Variants in TENM4 observed in about 807,000 individuals in gnomAD.
The protein encoded by TENM4 is teneurin transmembrane protein 4, also known as teneurin-4.
In TENM4, 82 loss-of-function variants were observed where a neutral mutation model predicts 243.3. The ratio of observed to expected loss-of-function variants is 0.34; its 90% CI spans 0.28 to 0.40. The LOEUF (loss-of-function observed/expected upper bound fraction) is 0.40. Ranked by LOEUF, TENM4 falls within the 10% of genes least tolerant of loss-of-function variation. TENM4 has a pLI of 1.00. For synonymous variants in TENM4, 1,412 were observed against 1,456.3 expected, an observed-to-expected ratio of 0.97 and a Z score of 0.69; for missense variants, 3,138 against 3,673.3, an observed-to-expected ratio of 0.85 and a Z score of 3.77.
chr11:79,292,457 C>A (rs188279247), intron 2 of TENM4, among the ~76,000 whole-genome samples: 2 of 152,332 alleles, frequency 1.3e-5, no homozygotes, highest in East Asian at 1.9e-4. Flanking sequence ...CCTTTTCTTG[C>A]TAATTCTATC....
At chr11:79,185,795 T>C (rs1863370978) in intron 3 of TENM4, among the ~76,000 whole-genome samples, 1 of 152,218 alleles carries the variant, frequency 6.6e-6, no homozygotes, top group East Asian at 1.9e-4. Flanking sequence ...TCATTTACCC[T>C]GCAGAGAGTC....
chr11:78,722,766 G>C lies in TENM4; in HGVS notation c.3702C>G (p.Ala1234=), dbSNP rs753618914. The change falls in exon 24 of 34, where the codon GCC becomes GCG. Residue 1234 remains alanine, a synonymous_variant. Coordinates refer to ENST00000278550, the MANE Select transcript of TENM4 (RefSeq NM_001098816.3). ...ADGNKLLAPV[A]LTCGSDGSLY... Reference sequence around the variant, plus strand: ...GGCTCCCGTCAGAGCCACAGGTGAGGGCCACTGGGGCCAGGAGCTTGTTGC... The same window carrying C: ...GGCTCCCGTCAGAGCCACAGGTGAGCGCCACTGGGGCCAGGAGCTTGTTGC... 1 of 1,614,054 alleles carries C rather than the reference G, an allele frequency of 6.2e-7. No homozygotes were observed. Among genetic ancestry groups the C allele is most frequent in the Non-Finnish European group, 8.5e-7 (1 of 1,179,900 alleles).
intron 4 of TENM4, among the ~76,000 whole-genome samples, chr11:79,071,358 G>C (rs1860410831): frequency 6.6e-6 from 1 of 152,140 alleles, no homozygotes; most frequent in South Asian, 2.1e-4. Flanking sequence ...CAGAGCAAGA[G>C]CTGTGATAAA....
intron 28 of TENM4, among the ~76,000 whole-genome samples, chr11:78,699,873 A>C (rs1859063516): frequency 6.6e-6 from 1 of 152,202 alleles, no homozygotes; most frequent in Admixed American, 6.5e-5. Flanking sequence ...CTGACAAAGA[A>C]ACCCCTGTAT....
chr11:78,864,592 C>T (rs1858916531), intron 9 of TENM4, among the ~76,000 whole-genome samples: 1 of 152,168 alleles, frequency 6.6e-6, no homozygotes, highest in South Asian at 2.1e-4. Context: ...AAGTTCATCT[C>T]CAATAATGTT....
chr11:79,000,313 A>T (rs1858283502), intron 6 of TENM4, among the ~76,000 whole-genome samples: 1 of 152,244 alleles, frequency 6.6e-6, no homozygotes, highest in Non-Finnish European at 1.5e-5. Context: ...AGTGAAAAGC[A>T]TCAGAAATGG....
At chr11:79,035,396 G>C (rs1292928869) in intron 6 of TENM4, among the ~76,000 whole-genome samples, 1 of 152,054 alleles carries the variant, frequency 6.6e-6, no homozygotes, top group Non-Finnish European at 1.5e-5. Flanking sequence ...GCACCCTACA[G>C]CTCTGTGTCA....
At chr11:79,125,962 G>A (rs1861866492) in intron 4 of TENM4, among the ~76,000 whole-genome samples, 1 of 152,182 alleles carries the variant, frequency 6.6e-6, no homozygotes, top group Admixed American at 6.5e-5. Context: ...CTGGAGAACA[G>A]GCATGGGAAC....
intron 12 of TENM4, among the ~76,000 whole-genome samples, chr11:78,836,361 C>CA (rs1344962013): frequency 2.0e-5 from 3 of 151,800 alleles, no homozygotes; most frequent in African/African-American, 4.8e-5. Context: ...AAAAAGTAAA[C>CA]AAAAAAACAA....
intron 29 of TENM4, among the ~76,000 whole-genome samples, chr11:78,677,249 C>CTTTTTTTT (rs67423363): frequency 7.3e-6 from 1 of 137,112 alleles, no homozygotes; most frequent in Non-Finnish European, 1.5e-5. Flanking sequence ...AAGGGTTGAA[C>CTTTTTTTT]TTTTTTTTTT....
chr11:78,686,738 CTA>C (rs1565331756), intron 29 of TENM4, among the ~76,000 whole-genome samples: 1 of 152,168 alleles, frequency 6.6e-6, no homozygotes, highest in Non-Finnish European at 1.5e-5. Context: ...CTGTTGATGA[CTA>C]TTGTGTGAGA....
At chr11:78,889,661 C>T (rs953800501) in intron 9 of TENM4, 124 bp downstream of exon 9, 4 of 1,084,536 alleles carry the variant, frequency 3.7e-6, no homozygotes, top group Non-Finnish European at 5.4e-6. Flanking sequence ...TCCAGGGCTG[C>T]CTGGCTCACA....
At chr11:79,404,528 AGG>A (rs1189422123) in intron 1 of TENM4, among the ~76,000 whole-genome samples, 1 of 152,228 alleles carries the variant, frequency 6.6e-6, no homozygotes, top group Non-Finnish European at 1.5e-5. Context: ...ACCTACATAG[AGG>A]CGATGGTTGC....
chr11:79,043,437 T>G (rs995341034), intron 6 of TENM4, among the ~76,000 whole-genome samples: 1 of 152,066 alleles, frequency 6.6e-6, no homozygotes, highest in African/African-American at 2.4e-5. Flanking sequence ...AGTGGGTAGC[T>G]CCACAAGATG....
intron 6 of TENM4, among the ~76,000 whole-genome samples, chr11:78,942,444 CA>C (rs200858107): frequency 0.44 from 54,722 of 124,742 alleles, 10,645 homozygotes; most frequent in Middle Eastern, 0.56. Context: ...GACCCTGTCT[CA>C]AAAAAAAAAA....
chr11:79,351,400 G>T (rs1857413054), intron 1 of TENM4, among the ~76,000 whole-genome samples: 1 of 152,066 alleles, frequency 6.6e-6, no homozygotes, highest in South Asian at 2.1e-4. Context: ...GCCATAGAGG[G>T]GATACTCAGT....
chr11:78,848,272 T>A (rs750009964), intron 12 of TENM4, among the ~76,000 whole-genome samples: 5 of 152,124 alleles, frequency 3.3e-5, no homozygotes, highest in South Asian at 2.1e-4. Context: ...AATCATTTTA[T>A]TCCCTTGCTC....
chr11:78,942,259 C>CAAAA lies in TENM4; in HGVS notation c.494-38740_494-38737dup, dbSNP rs56973257. Among the ~76,000 whole-genome samples the CAAAA allele has an allele frequency of 6.2e-4, 7 of 11,218 alleles. 2 individuals carry two copies. The highest frequency in any genetic ancestry group is 1.0e-3 in the African/African-American group (3 of 2,912). The allele number at this position is 11,218 out of a possible 152,430, so 7.4% of individuals were successfully genotyped here. A position where few individuals can be genotyped will look rare whatever the true frequency, so the allele number is the denominator to read the frequency against. ...TGAAACCCATCTCTACAAAATACAC[C>CAAAA]AAAAAAAAAAAAAAAAAAAAAAAAA... is the stretch of plus-strand genomic sequence containing the variant. On this transcript the variant is annotated intron_variant, in intron 6 of 33. Coordinates refer to ENST00000278550, the MANE Select transcript of TENM4 (RefSeq NM_001098816.3).
intron 1 of TENM4, among the ~76,000 whole-genome samples, chr11:79,409,058 TTTTGTGTGTG>T: frequency 7.7e-6 from 1 of 130,492 alleles, no homozygotes; most frequent in African/African-American, 3.2e-5. Flanking sequence ...ATGAGGGATA[TTTTGTGTGTG>T]TGTGTGTGTG....
Sources: gnomAD v4.1 joint callset for allele counts (sites outside exome capture counted in the v4.1 genomes callset) on GRCh38, gnomAD v4.1.1 for gene constraint, MANE v1.5 for transcripts, NCBI Gene and HGNC (gene_info 2026-07-23, HGNC 2026-07-21) for gene names.